The following SGK3 variants were observed in gnomAD, a reference collection of about 807,000 sequenced individuals.
The protein encoded by SGK3 is serine/threonine-protein kinase Sgk3.
SGK3 carries 47 observed loss-of-function variants against 68.5 expected under a neutral mutation model. The ratio of observed to expected loss-of-function variants is 0.69; its 90% CI spans 0.54 to 0.87. The LOEUF is 0.87. SGK3 is among the 40% of genes least tolerant of loss of function. SGK3 has a pLI of 0.00. For synonymous variants in SGK3, 181 were observed against 189.1 expected (o/e 0.96, Z 0.35); for missense variants, 479 against 575.5 (o/e 0.83, Z 1.72).
chr8:66,807,542 A>G (rs2130622802), intron 4 of SGK3, among the ~76,000 whole-genome samples: 1 of 152,350 alleles, frequency 6.6e-6, no homozygotes, highest in South Asian at 2.1e-4. Context: ...GGCAACAGTG[A>G]AAAGGATCAT....
At chr8:66,721,821 G>A (rs1804801887) in intron 1 of SGK3, among the ~76,000 whole-genome samples, 1 of 151,820 alleles carries the variant, frequency 6.6e-6, no homozygotes, top group South Asian at 2.1e-4. Context: ...TATGACCACT[G>A]TTCCTTTTAG....
At chr8:66,852,659 G>T (rs1810343059) in intron 16 of SGK3, among the ~76,000 whole-genome samples, 1 of 152,054 alleles carries the variant, frequency 6.6e-6, no homozygotes, top group South Asian at 2.1e-4. Flanking sequence ...TTTGTTCCAG[G>T]TTAATTTCTA....
chr8:66,823,181 T>C (rs541704876), intron 6 of SGK3, among the ~76,000 whole-genome samples: 1 of 152,304 alleles, frequency 6.6e-6, no homozygotes, highest in Admixed American at 6.5e-5. Context: ...TCTTATTTTA[T>C]CATTATTGCC....
Position 66,759,337 on chromosome 8 carries a change from G to GC in SGK3, c.-121-34276dup, listed in dbSNP as rs538579112. Among the ~76,000 whole-genome samples, 181 of 151,878 alleles carry GC rather than the reference G, an allele frequency of 1.2e-3. 1 individual carries two copies. Among genetic ancestry groups the GC allele is most frequent in the Non-Finnish European group, 2.1e-3 (143 of 67,936 alleles). The stretch of plus-strand genomic sequence containing the variant: ...TGACCTCACGCGATCCGCCCACCTC[G>GC]CCCTCCCAAAGTGCTGGGATTACAG... On this transcript the variant is annotated intron_variant, in intron 1 of 16. Transcript: ENST00000521198.
intron 1 of SGK3, among the ~76,000 whole-genome samples, chr8:66,786,600 A>C (rs751156697): frequency 6.6e-6 from 1 of 152,198 alleles, no homozygotes; most frequent in Non-Finnish European, 1.5e-5. Context: ...TTCTAGCTCT[A>C]TTGCCTGTTA....
At chr8:66,718,595 T>C (rs1228004775) in intron 1 of SGK3, among the ~76,000 whole-genome samples, 4 of 151,518 alleles carry the variant, frequency 2.6e-5, no homozygotes, top group Non-Finnish European at 5.9e-5. Context: ...GTGGCACGAT[T>C]TTGGCTCACT....
At chr8:66,785,750 T>A (rs1313803600) in intron 1 of SGK3, among the ~76,000 whole-genome samples, 1 of 152,218 alleles carries the variant, frequency 6.6e-6, no homozygotes, top group Non-Finnish European at 1.5e-5. Context: ...CTGACCCATT[T>A]CTTTCTGTCT....
chr8:66,780,649 T>C (rs940885643), intron 1 of SGK3, among the ~76,000 whole-genome samples: 3 of 152,166 alleles, frequency 2.0e-5, no homozygotes, highest in African/African-American at 7.2e-5. Flanking sequence ...TGTTCTGGTA[T>C]GAGTCTAGTG....
intron 1 of SGK3, among the ~76,000 whole-genome samples, chr8:66,724,534 C>T (rs1001907625): frequency 3.3e-5 from 5 of 152,090 alleles, no homozygotes; most frequent in African/African-American, 1.2e-4. Context: ...TGAGATCGCA[C>T]CACTGCATTC....
intron 5 of SGK3, among the ~76,000 whole-genome samples, chr8:66,816,883 T>C (rs1022168917): frequency 6.6e-6 from 1 of 152,120 alleles, no homozygotes; most frequent in Non-Finnish European, 1.5e-5. Flanking sequence ...TAGGCTGGAG[T>C]GCAGTGGCGT....
intron 1 of SGK3, among the ~76,000 whole-genome samples, chr8:66,749,327 A>T (rs543407467): frequency 3.0e-4 from 45 of 151,136 alleles, no homozygotes; most frequent in African/African-American, 9.9e-4. Context: ...GCCTGGCCAA[A>T]ATGGTGAAAC....
chr8:66,791,534 C>T (rs983001768), intron 1 of SGK3, among the ~76,000 whole-genome samples: 111 of 152,338 alleles, frequency 7.3e-4, no homozygotes, highest in African/African-American at 2.6e-3. Context: ...GTCCTGCCTA[C>T]CATCTCTTTC....
At position 66,751,344 on chromosome 8, in the gene SGK3, G is replaced by A. The variant is rs150686259; in HGVS notation, c.-122+38511G>A. Among the ~76,000 whole-genome samples, 18 of 152,146 alleles carry A rather than the reference G, an allele frequency of 1.2e-4. No homozygotes were observed. In the East Asian group the frequency reaches 3.5e-3, roughly 29 times the overall value. On this transcript the variant is annotated intron_variant, in intron 1 of 16. Coordinates refer to ENST00000521198, the MANE Select transcript of SGK3 (RefSeq NM_001033578.3). ...TGGTTTACATATTCATTTTTATAGGGCATTTCTGTACATATATTTTCAGAG... is the reference window on the plus strand; with the variant it reads ...TGGTTTACATATTCATTTTTATAGGACATTTCTGTACATATATTTTCAGAG...
At chr8:66,831,353 G>GTTT in intron 8 of SGK3, 42 bp downstream of exon 8, 1 of 1,412,046 alleles carries the variant, frequency 7.1e-7, no homozygotes, top group Non-Finnish European at 9.6e-7. Context: ...TTTGGTTTTG[G>GTTT]TTTTTTTTTT....
At chr8:66,729,231 C>T (rs1296446128) in intron 1 of SGK3, among the ~76,000 whole-genome samples, 3 of 149,114 alleles carry the variant, frequency 2.0e-5, no homozygotes, top group African/African-American at 2.5e-5. Context: ...CCGAGGCAGG[C>T]GGATCACGAG....
intron 1 of SGK3, among the ~76,000 whole-genome samples, chr8:66,739,027 A>C (rs1262049722): frequency 6.6e-6 from 1 of 152,058 alleles, no homozygotes; most frequent in Non-Finnish European, 1.5e-5. Flanking sequence ...CTGTGTTCCC[A>C]CTGTCCCACC....
Position 66,861,794 on chromosome 8 carries a change from T to G in SGK3, c.*2213T>G, listed in dbSNP as rs1193152156. 6.6e-6 allele frequency: 1 copy of G among 152,228 alleles called. No homozygotes were observed. The highest frequency in any genetic ancestry group is 1.5e-5 in the Non-Finnish European group (1 of 68,054). 9.4% of individuals were successfully genotyped at this position (152,228 alleles called of 1,614,324 possible). On this transcript the variant is annotated 3_prime_UTR_variant, in exon 17 of 17. Coordinates refer to ENST00000521198, the MANE Select transcript of SGK3 (RefSeq NM_001033578.3). ...ATCTATACTGTAAATATTTGGTTTA[T>G]TTGGCACTACTGTAAGTTTTGTTTT...
intron 5 of SGK3, among the ~76,000 whole-genome samples, chr8:66,818,055 G>C (rs1461363729): frequency 6.6e-6 from 1 of 152,148 alleles, no homozygotes; most frequent in Non-Finnish European, 1.5e-5. Context: ...GGAGATCCAG[G>C]CTACAGTGAG....
At chr8:66,803,603 G>A (rs1462429061) in intron 3 of SGK3, among the ~76,000 whole-genome samples, 1 of 151,928 alleles carries the variant, frequency 6.6e-6, no homozygotes, top group Non-Finnish European at 1.5e-5. Context: ...TTTCTTCAGG[G>A]CCGAGTTTTC....
Sources: gnomAD v4.1 joint callset for allele counts (sites outside exome capture counted in the v4.1 genomes callset) on GRCh38, gnomAD v4.1.1 for gene constraint, MANE v1.5 for transcripts, NCBI Gene and HGNC (gene_info 2026-07-23, HGNC 2026-07-21) for gene names.